Variants in C20orf96 observed in about 807,000 individuals in gnomAD.
C20orf96 encodes the protein chromosome 20 open reading frame 96, also known as uncharacterized protein C20orf96.
Under a neutral mutation model 52.6 loss-of-function variants are expected in C20orf96, and 57 were observed. The ratio of observed to expected loss-of-function variants is 1.08; its 90% CI spans 0.88 to 1.35. The LOEUF (loss-of-function observed/expected upper bound fraction) is 1.35, where lower values mean the gene tolerates loss of function less well. Ranked by LOEUF, C20orf96 falls within the 40% of genes most tolerant of loss-of-function variation. The pLI, the probability that C20orf96 is intolerant of heterozygous loss-of-function variation, is 0.00. For synonymous variants in C20orf96, 168 were observed against 157.2 expected (o/e 1.07, Z -0.51); for missense variants, 478 against 443.6 (o/e 1.08, Z -0.70).
chr20:272,666 T>C (rs1336645932), intron 10 of C20orf96, among the ~76,000 whole-genome samples: 1 of 152,094 alleles, frequency 6.6e-6, no homozygotes, highest in East Asian at 1.9e-4. Flanking sequence ...CCAAATAAAC[T>C]TTTTGACTGT....
In C20orf96 at chr20:290,280, T is replaced by C; in HGVS notation, c.48A>G (p.Ile16Met). 1 of 1,612,798 alleles carries C rather than the reference T, an allele frequency of 6.2e-7. No individual in the cohort carries two copies. ...TCACCGGAACCTGGAACTCCTGGAC[T>C]ATGGAGTGAGTCCCAGAGTGCTTGG... ...QKPKHSGTHS[I>M]VQEFQVPDYV... The change falls in exon 2 of 11, where the codon ATA becomes ATG. Residue 16 changes from isoleucine to methionine, a missense_variant. Transcript: ENST00000360321.
rs1229479008 is a variant in C20orf96, at chr20:276,036, T to C, written c.963A>G (p.Glu321=). 1 of 1,614,194 alleles carries C rather than the reference T, an allele frequency of 6.2e-7. No homozygotes were observed. Among genetic ancestry groups the C allele is most frequent in the African/African-American group, 1.3e-5 (1 of 75,052 alleles). ...ENMPVLRAEV[E]ELQAQTREPR... ...GTTCCCGGGTCTGGGCTTGGAGCTCTTCCACCTCGGCCCTTAATACAGGCA... is the reference window on the plus strand; with the variant it reads ...GTTCCCGGGTCTGGGCTTGGAGCTCCTCCACCTCGGCCCTTAATACAGGCA... Residue 321 remains glutamate (E), a synonymous_variant, in exon 10 of 11, where the codon GAA becomes GAG. Coordinates refer to ENST00000360321, the MANE Select transcript of C20orf96 (RefSeq NM_153269.3).
intron 3 of C20orf96, among the ~76,000 whole-genome samples, chr20:287,500 G>C (rs777399493): frequency 2.0e-5 from 3 of 152,020 alleles, no homozygotes; most frequent in African/African-American, 7.3e-5. Context: ...TTTTCCCATT[G>C]CCTAACTGAA....
At chr20:285,515 T>C (rs956747969) in intron 3 of C20orf96, among the ~76,000 whole-genome samples, 1 of 152,254 alleles carries the variant, frequency 6.6e-6, no homozygotes, top group Non-Finnish European at 1.5e-5. Flanking sequence ...GTATAAGAGA[T>C]AGAATGATTA....
rs780457683 is a variant in C20orf96 at position 290,383 on chromosome 20, A to T, written c.21-76T>A. The T allele has an allele frequency of 6.3e-6, 10 of 1,582,318 alleles. No homozygotes were observed. The South Asian group carries it at 1.1e-4, about 18-fold the overall frequency. On this transcript the variant is annotated intron_variant, in intron 1 of 10. Coordinates refer to ENST00000360321, the MANE Select transcript of C20orf96 (RefSeq NM_153269.3). ...GCAGCAAGCAGCAATTCGAAACAGG[A>T]TTGGAGTCTCGAACCAGAAACTGCA...
chr20:277,518 G>C, intron 6 of C20orf96, 135 bp from the exon 7 acceptor site: 7 of 839,198 alleles, frequency 8.3e-6, no homozygotes, highest in Non-Finnish European at 1.3e-5. Context: ...CTCACACAGG[G>C]CTGGGAGGTG....
At chr20:290,545 T>C (rs369307393) in intron 1 of C20orf96, 46 bp downstream of exon 1, 145 of 1,592,338 alleles carry the variant, frequency 9.1e-5, no homozygotes, top group Non-Finnish European at 1.2e-4. Flanking sequence ...TACGCATGCG[T>C]ATTCCGCCTT....
chr20:289,746 G>C, intron 2 of C20orf96, 70 bp from the exon 3 acceptor site: 2 of 1,269,166 alleles, frequency 1.6e-6, no homozygotes, highest in Non-Finnish European at 2.3e-6. Flanking sequence ...TCAGATATCT[G>C]TGACCCCAAG....
intron 10 of C20orf96, among the ~76,000 whole-genome samples, chr20:273,748 A>C (rs2011913321): frequency 6.6e-6 from 1 of 151,906 alleles, no homozygotes; most frequent in Non-Finnish European, 1.5e-5. Context: ...ATGGTGGTGC[A>C]CACCTGTAAT....
intron 2 of C20orf96, 38 bp from the exon 3 acceptor site, chr20:289,714 T>A: frequency 6.6e-7 from 1 of 1,509,444 alleles, no homozygotes; most frequent in Non-Finnish European, 9.2e-7. Flanking sequence ...CACCATGAGT[T>A]TATATCCCAG....
At chr20:290,178 G>T in intron 2 of C20orf96, 81 bp downstream of exon 2, 1 of 1,145,360 alleles carries the variant, frequency 8.7e-7, no homozygotes. Flanking sequence ...CCGCGGAGCA[G>T]TCACGACCGT....
Position 277,260 on chromosome 20 carries a change from A to T in C20orf96, c.689T>A (p.Met230Lys), listed in dbSNP as rs1490782944. The T allele has an allele frequency of 6.2e-7, 1 of 1,614,174 alleles. No homozygotes were observed. Among genetic ancestry groups the T allele is most frequent in the African/African-American group, 1.3e-5 (1 of 75,044 alleles). The change falls in exon 7 of 11, where the codon ATG becomes AAG. Residue 230 changes from methionine (M) to lysine (K), a missense_variant. Coordinates refer to ENST00000360321, the MANE Select transcript of C20orf96 (RefSeq NM_153269.3). Reference sequence around the variant, plus strand: ...GTCCTTAACCTGCTGCAGCTGGCGCATAAGAGTGGAGATCTGGACAGACTT... The same window carrying T: ...GTCCTTAACCTGCTGCAGCTGGCGCTTAAGAGTGGAGATCTGGACAGACTT... ...SIKSVQISTLMRQLQQVKDSQ... is the reference protein window; with the variant it reads ...SIKSVQISTLKRQLQQVKDSQ...
intron 3 of C20orf96, 104 bp downstream of exon 3, chr20:289,455 C>A: frequency 1.4e-6 from 1 of 738,500 alleles, no homozygotes; most frequent in Non-Finnish European, 2.4e-6. Flanking sequence ...TTGTTTATTA[C>A]ATCAGTTAGC....
chr20:284,666 G>T (rs2012337194), intron 3 of C20orf96, among the ~76,000 whole-genome samples: 1 of 152,218 alleles, frequency 6.6e-6, no homozygotes, highest in Non-Finnish European at 1.5e-5. Context: ...GATCAGCCTG[G>T]CCAACATGGT....
chr20:278,814 C>T (rs1600186285), intron 5 of C20orf96, among the ~76,000 whole-genome samples: 1 of 144,416 alleles, frequency 6.9e-6, no homozygotes, highest in Non-Finnish European at 1.5e-5. Flanking sequence ...AAACCCATCT[C>T]GGTCCTCTTG....
intron 10 of C20orf96, among the ~76,000 whole-genome samples, chr20:273,229 C>A (rs2011897365): frequency 6.6e-6 from 1 of 152,190 alleles, no homozygotes; most frequent in African/African-American, 2.4e-5. Context: ...CCCACCTTGG[C>A]CTCCCAAAAC....
chr20:287,700 G>A (rs571223654), intron 3 of C20orf96, among the ~76,000 whole-genome samples: 3 of 151,988 alleles, frequency 2.0e-5, no homozygotes, highest in South Asian at 2.1e-4. Context: ...AGGCTGAGGC[G>A]GGCAGATTAC....
intron 4 of C20orf96, among the ~76,000 whole-genome samples, chr20:279,787 T>C (rs2012202624): frequency 1.3e-5 from 2 of 152,072 alleles, no homozygotes; most frequent in East Asian, 3.9e-4. Flanking sequence ...CTGACCAACA[T>C]GGTGAAACCC....
At chr20:271,461 C>G (rs866333479) in intron 10 of C20orf96, among the ~76,000 whole-genome samples, 194 bp from the exon 11 acceptor site, 9,619 of 151,910 alleles carry the variant, frequency 0.063, 1,031 homozygotes, top group African/African-American at 0.22. Context: ...CACACACACA[C>G]ACACACACAC....
Sources: gnomAD v4.1 joint callset for allele counts (sites outside exome capture counted in the v4.1 genomes callset) on GRCh38, gnomAD v4.1.1 for gene constraint, MANE v1.5 for transcripts, NCBI Gene and HGNC (gene_info 2026-07-23, HGNC 2026-07-21) for gene names.